The following TEAD1 variants were observed in gnomAD, a reference collection of about 807,000 sequenced individuals.
TEAD1 encodes TEA domain transcription factor 1.
A neutral mutation model predicts 54.9 loss-of-function variants in TEAD1; 9 were observed. The observed-to-expected ratio is 0.16, with a 90% confidence interval of 0.10 to 0.29. TEAD1 has a LOEUF of 0.29. TEAD1 is among the 10% of genes least tolerant of loss of function. The pLI is 1.00. For missense variants in TEAD1, 387 were observed against 535.9 expected (o/e 0.72, Z 2.74); for synonymous variants, 200 against 187.8 (o/e 1.07, Z -0.53).
At chr11:12,683,612 G>C (rs563894208) in intron 2 of TEAD1, among the ~76,000 whole-genome samples, 83 of 152,220 alleles carry the variant, frequency 5.5e-4, no homozygotes, top group African/African-American at 2.0e-3. Flanking sequence ...TGCCATTTTG[G>C]GGGGTGAGTT....
intron 2 of TEAD1, among the ~76,000 whole-genome samples, chr11:12,740,710 T>C (rs1432901410): frequency 2.0e-5 from 3 of 152,176 alleles, no homozygotes; most frequent in African/African-American, 4.8e-5. Context: ...AAGAACAGCA[T>C]GAGGGTAACT....
chr11:12,937,279 A>G lies in TEAD1; in HGVS notation c.*57A>G. 7.6e-7 allele frequency: 1 copy of G among 1,316,068 alleles called. No individual in the cohort carries two copies. The highest frequency in any genetic ancestry group is 1.5e-5 in the African/African-American group (1 of 67,782). 81.5% of individuals were successfully genotyped at this position (1,316,068 alleles called of 1,614,324 possible). A position where few individuals can be genotyped will look rare whatever the true frequency, so the allele number is the denominator to read the frequency against. On this transcript the variant is annotated 3_prime_UTR_variant, in exon 13 of 13. Transcript: ENST00000527636. ...TATACACACACACATATGTGCACAC[A>G]CACACTCTCTCTCCATTATCGAACG... is the stretch of plus-strand genomic sequence containing the variant.
intron 3 of TEAD1, among the ~76,000 whole-genome samples, chr11:12,857,076 A>G (rs1029406765): frequency 6.6e-6 from 1 of 151,780 alleles, no homozygotes; most frequent in Non-Finnish European, 1.5e-5. Flanking sequence ...CGCAGTGCAA[A>G]CTCCATGCCT....
intron 6 of TEAD1, among the ~76,000 whole-genome samples, chr11:12,880,167 C>G (rs1947937549): frequency 6.6e-6 from 1 of 152,160 alleles, no homozygotes; most frequent in South Asian, 2.1e-4. Flanking sequence ...GGGTTGGGCT[C>G]AGGCGTCTTC....
intron 2 of TEAD1, among the ~76,000 whole-genome samples, chr11:12,719,566 C>CT (rs1590081985): frequency 3.2e-5 from 3 of 94,726 alleles, no homozygotes; most frequent in African/African-American, 4.3e-5. Context: ...CTTTCCAGTC[C>CT]TTTTTTTTGG....
At chr11:12,722,067 C>T (rs975902129) in intron 2 of TEAD1, among the ~76,000 whole-genome samples, 5 of 152,194 alleles carry the variant, frequency 3.3e-5, no homozygotes, top group African/African-American at 1.2e-4. Flanking sequence ...GAATTGGTTG[C>T]AGGTGGTCTG....
chr11:12,842,063 G>GA (rs1373085989), intron 3 of TEAD1, among the ~76,000 whole-genome samples: 1 of 151,270 alleles, frequency 6.6e-6, no homozygotes, highest in Non-Finnish European at 1.5e-5. Context: ...CAGAGCAGAG[G>GA]AAAAAAACAA....
At chr11:12,697,081 A>G (rs1195071491) in intron 2 of TEAD1, among the ~76,000 whole-genome samples, 1 of 152,076 alleles carries the variant, frequency 6.6e-6, no homozygotes. Flanking sequence ...GGGGCACTGA[A>G]GAGTTCTGGT....
chr11:12,906,410 G>A (rs4379823), intron 10 of TEAD1, among the ~76,000 whole-genome samples: 145,771 of 151,744 alleles, frequency 0.96, 70,291 homozygotes, highest in East Asian at 1. Flanking sequence ...GTGTGGTGGC[G>A]GGCCCCTCTA....
intron 3 of TEAD1, among the ~76,000 whole-genome samples, chr11:12,783,133 T>TGTGTGTGTGTGTGTGTGTGC (rs1198828193): frequency 6.9e-6 from 1 of 145,496 alleles, no homozygotes; most frequent in African/African-American, 2.7e-5. Flanking sequence ...TGTGTGTGTG[T>TGTGTGTGTGTGTGTGTGTGC]GCGCGCACTT....
At chr11:12,798,068 T>G (rs1166037955) in intron 3 of TEAD1, among the ~76,000 whole-genome samples, 1 of 152,242 alleles carries the variant, frequency 6.6e-6, no homozygotes, top group East Asian at 1.9e-4. Context: ...CAACTCTACC[T>G]GTATTTCCAC....
intron 3 of TEAD1, among the ~76,000 whole-genome samples, chr11:12,856,957 C>T (rs943811498): frequency 5.3e-5 from 8 of 152,190 alleles, no homozygotes; most frequent in African/African-American, 1.9e-4. Flanking sequence ...GCTACAATTT[C>T]TAGCCACAGA....
chr11:12,700,551 A>G (rs1003851405), intron 2 of TEAD1, among the ~76,000 whole-genome samples: 2 of 152,234 alleles, frequency 1.3e-5, no homozygotes, highest in Non-Finnish European at 2.9e-5. Context: ...AGTTTTGCGT[A>G]TATTTTAGTT....
intron 2 of TEAD1, among the ~76,000 whole-genome samples, chr11:12,724,357 T>G (rs575147800): frequency 6.6e-6 from 1 of 152,374 alleles, no homozygotes; most frequent in South Asian, 2.1e-4. Context: ...TGAAACAAGA[T>G]GGATCACATT....
chr11:12,850,711 G>T, intron 3 of TEAD1, among the ~76,000 whole-genome samples: 1 of 152,152 alleles, frequency 6.6e-6, no homozygotes, highest in East Asian at 1.9e-4. Context: ...ATAAACTAGC[G>T]GTGTTTAGCA....
intron 2 of TEAD1, among the ~76,000 whole-genome samples, chr11:12,759,574 T>C (rs1945059782): frequency 6.6e-6 from 1 of 152,148 alleles, no homozygotes; most frequent in Non-Finnish European, 1.5e-5. Flanking sequence ...TTTTTAAAAG[T>C]ATTTCCAGCT....
At chr11:12,745,401 C>T (rs565912940) in intron 2 of TEAD1, among the ~76,000 whole-genome samples, 34 of 152,068 alleles carry the variant, frequency 2.2e-4, no homozygotes, top group East Asian at 1.7e-3. Flanking sequence ...ACTACTTATT[C>T]GGTATTATTT....
chr11:12,883,468 C>T (rs1420351609), intron 9 of TEAD1, among the ~76,000 whole-genome samples: 1 of 152,122 alleles, frequency 6.6e-6, no homozygotes, highest in Non-Finnish European at 1.5e-5. Flanking sequence ...TGGTCCCATG[C>T]AGAGTTATTT....
intron 3 of TEAD1, among the ~76,000 whole-genome samples, chr11:12,799,680 A>G (rs967052299): frequency 6.6e-6 from 1 of 152,378 alleles, no homozygotes; most frequent in South Asian, 2.1e-4. Context: ...GAGACTGAAC[A>G]TATCCTTAAT....
Sources: gnomAD v4.1 joint callset for allele counts (sites outside exome capture counted in the v4.1 genomes callset) on GRCh38, gnomAD v4.1.1 for gene constraint, MANE v1.5 for transcripts, NCBI Gene and HGNC (gene_info 2026-07-23, HGNC 2026-07-21) for gene names.